Variants in TONSL observed in about 807,000 individuals in gnomAD.
TONSL encodes tonsoku like, DNA repair protein.
TONSL carries 112 observed loss-of-function variants against 147.1 expected under a neutral mutation model. The ratio of observed to expected loss-of-function variants is 0.76; its 90% CI spans 0.65 to 0.89. The LOEUF (loss-of-function observed/expected upper bound fraction) is 0.89, where lower values mean the gene tolerates loss of function less well. TONSL is among the 40% of genes least tolerant of loss of function. TONSL has a pLI of 0.00. For missense variants in TONSL, 1,883 were observed against 1,864.6 expected (o/e 1.01, Z -0.18); for synonymous variants, 868 against 801.5 (o/e 1.08, Z -1.40).
intron 9 of TONSL, 102 bp downstream of exon 9, chr8:144,440,616 G>T (rs1261752231): frequency 2.0e-6 from 3 of 1,532,062 alleles, no homozygotes; most frequent in Non-Finnish European, 1.8e-6. Context: ...GGAAGGAGCT[G>T]CCCGTCCAGT....
Position 144,440,095 on chromosome 8 carries a change from T to G in TONSL, c.1406A>C (p.Glu469Ala), listed in dbSNP as rs201903167. 19 of 1,609,776 alleles carry G rather than the reference T, an allele frequency of 1.2e-5. No homozygotes were observed. In the East Asian group the frequency reaches 4.0e-4, roughly 34 times the overall value. Residue 469 changes from glutamate to alanine, a missense_variant, in exon 11 of 26, where the codon GAG (glutamate) becomes GCG (alanine). Transcript: ENST00000409379. Reference sequence around the variant, plus strand: ...TGTGGCTGCCGCCTCCTCCGCCTCCTCCTCCTCATCTTCATCTTCAGCTAC... The same window carrying G: ...TGTGGCTGCCGCCTCCTCCGCCTCCGCCTCCTCATCTTCATCTTCAGCTAC... Reference protein sequence around the residue: ...LSVAEDEDEEEEAEEAAATAE... With the variant: ...LSVAEDEDEEAEAEEAAATAE...
rs377316572 is a variant in TONSL, at chr8:144,430,024, G to A, written c.3943+380C>T. Reference sequence around the variant, plus strand: ...AGACCACAGCCCTGGGCAGGGTTGTGTCAGAGGAGCCCCTGCCAGGAAGTA... The same window carrying A: ...AGACCACAGCCCTGGGCAGGGTTGTATCAGAGGAGCCCCTGCCAGGAAGTA... On this transcript the variant is annotated intron_variant, in intron 25 of 25. Coordinates refer to ENST00000409379, the MANE Select transcript of TONSL (RefSeq NM_013432.5). Among the ~76,000 whole-genome samples the A allele has an allele frequency of 1.1e-4, 16 of 152,296 alleles. 2 individuals carry two copies. Among genetic ancestry groups the A allele is most frequent in the Admixed American group, 1.3e-4 (2 of 15,304 alleles).
At chr8:144,434,399 T>C in intron 20 of TONSL, 120 bp from the exon 21 acceptor site, 2 of 876,058 alleles carry the variant, frequency 2.3e-6, no homozygotes, top group Non-Finnish European at 3.3e-6. Flanking sequence ...AGACTTGCTG[T>C]AGAGCCCACT....
At position 144,434,866 on chromosome 8, in the gene TONSL, C is replaced by T; in HGVS notation, c.3030G>A (p.Trp1010Ter). Reference sequence around the variant, plus strand: ...AGCGGTCAGTCAACGGGGGCAGGTCCCACGAAGTCACCTCAGCCAACACCT... The same window carrying T: ...AGCGGTCAGTCAACGGGGGCAGGTCTCACGAAGTCACCTCAGCCAACACCT... ...NDEVLAEVTS[W>*]DLPPLTDRYR... Residue 1010 changes from tryptophan to a stop codon, truncating the protein, a stop_gained, in exon 20 of 26, where the codon TGG becomes TGA. Transcript: ENST00000409379. LOFTEE classifies it high-confidence loss of function. The T allele has an allele frequency of 6.2e-7, 1 of 1,613,438 alleles. No individual in the cohort carries two copies. The highest frequency in any genetic ancestry group is 8.5e-7 in the Non-Finnish European group (1 of 1,179,964).
At chr8:144,440,619 C>A in intron 9 of TONSL, 99 bp downstream of exon 9, 1 of 1,532,582 alleles carries the variant, frequency 6.5e-7, no homozygotes, top group East Asian at 2.3e-5. Flanking sequence ...AGGAGCTGCC[C>A]GTCCAGTAAG....
chr8:144,430,579 G>T lies in TONSL; in HGVS notation c.3810-42C>A, dbSNP rs1334781199. 5 of 1,574,854 alleles carry T rather than the reference G, an allele frequency of 3.2e-6. No individual in the cohort carries two copies. The Admixed American group carries it at 7.1e-5, about 22-fold the overall frequency. On this transcript the variant is annotated intron_variant, in intron 24 of 25. Coordinates refer to ENST00000409379, the MANE Select transcript of TONSL (RefSeq NM_013432.5). ...AGAAGTGCAAAGGTTGGCTTCCAGA[G>T]AGGCTGTGCCCCAACACTAGGAAAG...
At chr8:144,433,414 G>A (rs147623893) in intron 22 of TONSL, 174 bp downstream of exon 22, 15 of 670,596 alleles carry the variant, frequency 2.2e-5, no homozygotes, top group Middle Eastern at 4.1e-4. Flanking sequence ...CTCACTATGT[G>A]GGCCAGGCTT....
chr8:144,432,223 G>A, intron 23 of TONSL, 62 bp downstream of exon 23: 1 of 1,567,206 alleles, frequency 6.4e-7, no homozygotes. Context: ...GCTCCTCCCA[G>A]CAACCCTGGG....
chr8:144,440,735 T>C lies in TONSL; in HGVS notation c.1147A>G (p.Ser383Gly), dbSNP rs763972410. 1.2e-6 allele frequency: 2 copies of C among 1,612,516 alleles called. No homozygotes were observed. Among genetic ancestry groups the C allele is most frequent in the African/African-American group, 1.3e-5 (1 of 74,938 alleles). The change falls in exon 9 of 26, where the codon AGC becomes GGC. Residue 383 changes from serine to glycine, a missense_variant. Coordinates refer to ENST00000409379, the MANE Select transcript of TONSL (RefSeq NM_013432.5). The stretch of plus-strand genomic sequence containing the variant: ...GGTTTCACCTCCAGCACGTTGCCGC[T>C]GCGCAGCCTCAGTTCCTCCTCATAG... ...RHYEEELRLR[S>G]GNVLEEAKTW... is the part of the protein sequence containing the mutation.
chr8:144,442,443 A>C, intron 5 of TONSL, 31 bp from the exon 6 acceptor site: 5 of 1,521,010 alleles, frequency 3.3e-6, no homozygotes, highest in Non-Finnish European at 4.4e-6. Flanking sequence ...CTGAGCACCC[A>C]GGAGTGTCCA....
chr8:144,437,479 C>T (rs1586690675), intron 13 of TONSL, among the ~76,000 whole-genome samples: 4 of 152,046 alleles, frequency 2.6e-5, no homozygotes, highest in Admixed American at 1.3e-4. Flanking sequence ...CAGCAGGTAC[C>T]CCATTTTTTT....
chr8:144,433,834 A>T, intron 21 of TONSL, 75 bp from the exon 22 acceptor site: 1 of 1,488,050 alleles, frequency 6.7e-7, no homozygotes, highest in Non-Finnish European at 8.9e-7. Context: ...TTGGCTTGGC[A>T]GTCTCTTCCC....
chr8:144,442,895 C>T (rs1392046338), intron 4 of TONSL, 89 bp from the exon 5 acceptor site: 34 of 1,476,912 alleles, frequency 2.3e-5, no homozygotes, highest in Non-Finnish European at 3.0e-5. Flanking sequence ...TGCAGCGCCT[C>T]TCCTACCCCC....
chr8:144,442,290 G>A lies in TONSL; in HGVS notation c.701C>T (p.Thr234Ile), dbSNP rs746722050. 13 of 1,598,638 alleles carry A rather than the reference G, an allele frequency of 8.1e-6. No homozygotes were observed. In the Admixed American group the frequency reaches 1.8e-4, roughly 23 times the overall value. Residue 234 changes from threonine (T) to isoleucine (I), a missense_variant, in exon 6 of 26, where the codon ACC (threonine) becomes ATC (isoleucine). Coordinates refer to ENST00000409379, the MANE Select transcript of TONSL (RefSeq NM_013432.5). The stretch of plus-strand genomic sequence containing the variant: ...GCTCTCCATGAACCGCTTCCTCATG[G>A]TGTGCGCACACTCCCGGGCACCCTC... ...CLEGARECAH[T>I]MRKRFMESEC...
At chr8:144,434,416 T>C in intron 20 of TONSL, 137 bp from the exon 21 acceptor site, 1 of 762,672 alleles carries the variant, frequency 1.3e-6, no homozygotes, top group Non-Finnish European at 2.0e-6. Flanking sequence ...CACTCGCACA[T>C]GCCTGTGGGT....
At chr8:144,442,004 C>A in intron 7 of TONSL, 33 bp downstream of exon 7, 2 of 1,595,078 alleles carry the variant, frequency 1.3e-6, no homozygotes, top group East Asian at 4.5e-5. Context: ...CTGCACACAC[C>A]TCCCAGGGCC....
rs777239143 is a variant in TONSL, at chr8:144,443,275, G to C, written c.311C>G (p.Thr104Arg). 2 of 1,550,734 alleles carry C rather than the reference G, an allele frequency of 1.3e-6. No homozygotes were observed. Among genetic ancestry groups the C allele is most frequent in the South Asian group, 2.4e-5 (2 of 84,060 alleles). Residue 104 changes from threonine (T) to arginine (R), a missense_variant, in exon 4 of 26, where the codon ACG becomes AGG. Physicochemically the swap from Thr to Arg is moderately conservative, Grantham distance 71 (BLOSUM62 -1). Transcript: ENST00000409379. ...GGTGGCCCAGGCCCTCTGCAGCTCC[G>C]TGTGGTTGCGCAGGGAATGTGCCAG... ...LELAHSLRNH[T>R]ELQRAWATIG...
chr8:144,432,719 C>T (rs1266630937), intron 22 of TONSL: 3 of 397,106 alleles, frequency 7.6e-6, no homozygotes, highest in Non-Finnish European at 9.0e-6. Flanking sequence ...TCCTGGGCCA[C>T]ATGCCTCTGC....
rs768586872 is a variant in TONSL, at chr8:144,436,191, C to T, written c.2242G>A (p.Asp748Asn). The change falls in exon 17 of 26, where the codon GAC becomes AAC. Residue 748 changes from aspartate (D) to asparagine (N), a missense_variant. By Grantham distance (23) the Asp-to-Asn change is conservative. Transcript: ENST00000409379. The stretch of plus-strand genomic sequence containing the variant: ...GACGGCCGTGCGGGGCCTGCGCTGT[C>T]CTCGCCTTCTGAGCTGCTGCTGCTG... ...ASSSSSSEGE[D>N]SAGPARPSQK... 6.4e-7 allele frequency: 1 copy of T among 1,572,582 alleles called. No homozygotes were observed. The highest frequency in any genetic ancestry group is 8.6e-7 in the Non-Finnish European group (1 of 1,163,056).
Sources: gnomAD v4.1 joint callset for allele counts (sites outside exome capture counted in the v4.1 genomes callset) on GRCh38, gnomAD v4.1.1 for gene constraint, MANE v1.5 for transcripts, NCBI Gene and HGNC (gene_info 2026-07-23, HGNC 2026-07-21) for gene names.